Variants in KCNN2 observed in about 807,000 individuals in gnomAD.
KCNN2 encodes potassium calcium-activated channel subfamily N member 2.
KCNN2 carries 24 observed loss-of-function variants against 55.5 expected under a neutral mutation model. The observed-to-expected ratio is 0.43, with a 90% CI of 0.31 to 0.61. KCNN2 has a LOEUF of 0.61. Ranked by LOEUF, KCNN2 falls within the 20% of genes least tolerant of loss-of-function variation. The pLI is 0.08. For synonymous variants in KCNN2, 431 were observed against 336.1 expected (o/e 1.28, Z -3.09); for missense variants, 754 against 853.6 (o/e 0.88, Z 1.45).
chr5:114,232,689 A>G (rs1401953155), intron 2 of KCNN2, among the ~76,000 whole-genome samples: 1 of 150,874 alleles, frequency 6.6e-6, no homozygotes, highest in Non-Finnish European at 1.5e-5. Flanking sequence ...CTCTAGCTTA[A>G]AAAGTATTGT....
At chr5:114,174,127 C>G (rs994447914) in intron 1 of KCNN2, among the ~76,000 whole-genome samples, 21 of 151,982 alleles carry the variant, frequency 1.4e-4, no homozygotes, top group African/African-American at 4.8e-4. Context: ...CTTCAAGTGG[C>G]TCAGAATTAT....
chr5:114,177,056 C>A (rs1359815197), intron 1 of KCNN2, among the ~76,000 whole-genome samples: 1 of 151,914 alleles, frequency 6.6e-6, no homozygotes, highest in African/African-American at 2.4e-5. Flanking sequence ...TTTCCACACC[C>A]TAAAGTCAGG....
intron 2 of KCNN2, among the ~76,000 whole-genome samples, chr5:114,334,988 A>T (rs1702897837): frequency 6.6e-6 from 1 of 151,834 alleles, no homozygotes; most frequent in South Asian, 2.1e-4. Flanking sequence ...CAGTGTCGCG[A>T]TCTTGGCTCA....
intron 1 of KCNN2, chr5:114,057,163 T>A (rs1750227094): frequency 6.6e-6 from 1 of 152,180 alleles, no homozygotes; most frequent in African/African-American, 2.4e-5. Context: ...GGAAACTCAC[T>A]AGGTTCAGGT....
intron 1 of KCNN2, among the ~76,000 whole-genome samples, chr5:114,173,675 G>A (rs915720013): frequency 2.7e-5 from 4 of 150,920 alleles, no homozygotes; most frequent in African/African-American, 9.7e-5. Context: ...TTTCATCAGC[G>A]TTTTGTATTT....
At chr5:114,150,525 C>T (rs907228710) in intron 1 of KCNN2, among the ~76,000 whole-genome samples, 1 of 152,138 alleles carries the variant, frequency 6.6e-6, no homozygotes, top group Non-Finnish European at 1.5e-5. Flanking sequence ...AAGATACCTC[C>T]CCACATTCCC....
intron 5 of KCNN2, among the ~76,000 whole-genome samples, chr5:114,475,717 G>T (rs1050917459): frequency 3.9e-5 from 6 of 152,018 alleles, no homozygotes; most frequent in African/African-American, 1.2e-4. Flanking sequence ...ACGTGTGCTT[G>T]TGCTCATGGG....
intron 1 of KCNN2, among the ~76,000 whole-genome samples, chr5:114,185,438 G>A (rs1296696629): frequency 1.3e-5 from 2 of 152,228 alleles, no homozygotes. Flanking sequence ...CTGAGGCGGA[G>A]CCTCAGGAAG....
chr5:114,366,237 A>G (rs1010236194), intron 2 of KCNN2, among the ~76,000 whole-genome samples: 3 of 152,196 alleles, frequency 2.0e-5, no homozygotes, highest in African/African-American at 7.2e-5. Flanking sequence ...ATGACATGGA[A>G]TGACTCTCCA....
At chr5:114,201,848 T>A (rs1753678451) in intron 1 of KCNN2, among the ~76,000 whole-genome samples, 2 of 151,984 alleles carry the variant, frequency 1.3e-5, no homozygotes, top group Admixed American at 1.3e-4. Context: ...TGTCCTTGGC[T>A]GTGTGACAGC....
intron 2 of KCNN2, among the ~76,000 whole-genome samples, chr5:114,342,508 A>ATT (rs1757035010): frequency 2.0e-5 from 3 of 152,244 alleles, no homozygotes; most frequent in African/African-American, 7.2e-5. Flanking sequence ...CTCCAGAAAG[A>ATT]TTTCATAGAC....
intron 2 of KCNN2, among the ~76,000 whole-genome samples, chr5:114,302,933 T>C (rs913504006): frequency 6.6e-6 from 1 of 152,188 alleles, no homozygotes; most frequent in Non-Finnish European, 1.5e-5. Flanking sequence ...GAGAGAAAAC[T>C]TCTGGTTGGA....
At chr5:114,394,299 A>C (rs1480591535) in intron 2 of KCNN2, among the ~76,000 whole-genome samples, 2 of 152,106 alleles carry the variant, frequency 1.3e-5, no homozygotes, top group East Asian at 3.9e-4. Context: ...TCCATGACCT[A>C]AGGCTTGTAT....
chr5:114,495,702 C>G (rs550302819), intron 7 of KCNN2, among the ~76,000 whole-genome samples, 193 bp from the exon 8 acceptor site: 128 of 152,302 alleles, frequency 8.4e-4, no homozygotes, highest in African/African-American at 2.9e-3. Flanking sequence ...AACCAAAGAT[C>G]TTATATTTCG....
intron 1 of KCNN2, among the ~76,000 whole-genome samples, chr5:114,108,021 G>A (rs1334630279): frequency 6.6e-6 from 1 of 151,938 alleles, no homozygotes; most frequent in East Asian, 1.9e-4. Context: ...GATATCTAAT[G>A]TCCTTGCTAA....
chr5:114,461,845 C>G (rs181847753), intron 3 of KCNN2, among the ~76,000 whole-genome samples: 22 of 152,062 alleles, frequency 1.4e-4, no homozygotes, highest in African/African-American at 5.3e-4. Context: ...GCAGCACAGA[C>G]ACAGATGGGG....
rs371427404 is a variant in KCNN2 at position 114,461,824 on chromosome 5, C to T, written c.1638-1225C>T. ...CTGGCTAGGAGCAGCCTCCTTGCCA[C>T]CACAGCCCTGGCAGCACAGACACAG... On this transcript the variant is annotated intron_variant, in intron 3 of 7. Transcript: ENST00000673685. Among the ~76,000 whole-genome samples, 58 of 151,882 alleles carry T rather than the reference C, an allele frequency of 3.8e-4. No individual in the cohort carries two copies. The South Asian group carries it at 0.012, about 32-fold the overall frequency.
chr5:114,143,353 A>G (rs1255108153), intron 1 of KCNN2, among the ~76,000 whole-genome samples: 2 of 152,202 alleles, frequency 1.3e-5, no homozygotes, highest in African/African-American at 2.4e-5. Flanking sequence ...GATTGGGAAG[A>G]TATTAATCAG....
chr5:114,293,100 A>G (rs914220895), intron 2 of KCNN2, among the ~76,000 whole-genome samples: 7 of 152,162 alleles, frequency 4.6e-5, no homozygotes, highest in East Asian at 1.9e-4. Flanking sequence ...GGCTGAGACA[A>G]TGGGGTTTTC....
Sources: allele counts gnomAD v4.1 joint callset (sites outside exome capture counted in the v4.1 genomes callset), GRCh38; gene constraint gnomAD v4.1.1; transcripts MANE v1.5; gene names NCBI Gene and HGNC (gene_info 2026-07-23, HGNC 2026-07-21).